Variants in JMJD1C observed in about 807,000 individuals in gnomAD.
JMJD1C encodes jumonji domain containing 1C.
A neutral mutation model predicts 245.3 loss-of-function variants in JMJD1C; 31 were observed. The observed-to-expected ratio is 0.13, with a 90% CI of 0.09 to 0.17. JMJD1C has a LOEUF of 0.17. JMJD1C is among the 10% of genes least tolerant of loss of function. JMJD1C has a pLI of 1.00. For synonymous variants in JMJD1C, 1,057 were observed against 1,017.4 expected, an observed-to-expected ratio of 1.04 and a Z score of -0.74; for missense variants, 2,691 against 3,000.2, an observed-to-expected ratio of 0.90 and a Z score of 2.41.
chr10:63,419,142 T>C (rs749219368), intron 1 of JMJD1C, among the ~76,000 whole-genome samples: 1 of 150,138 alleles, frequency 6.7e-6, no homozygotes, highest in African/African-American at 2.5e-5. Flanking sequence ...TCCTAGTACT[T>C]TGGGAGGCCG....
chr10:63,516,399 T>G (rs1955020882), intron 1 of JMJD1C, among the ~76,000 whole-genome samples: 1 of 152,244 alleles, frequency 6.6e-6, no homozygotes, highest in African/African-American at 2.4e-5. Context: ...GAAATTCTGC[T>G]TACTAGACAT....
At chr10:63,266,976 G>A (rs895195477) in intron 2 of JMJD1C, among the ~76,000 whole-genome samples, 5 of 152,034 alleles carry the variant, frequency 3.3e-5, no homozygotes, top group Non-Finnish European at 7.4e-5. Context: ...TTTGAAAAAA[G>A]GATTTCTAAG....
intron 3 of JMJD1C, among the ~76,000 whole-genome samples, chr10:63,260,192 T>G (rs542474615): frequency 6.6e-6 from 1 of 152,342 alleles, no homozygotes; most frequent in South Asian, 2.1e-4. Flanking sequence ...ATCAAATCTC[T>G]AACGGTTTTA....
intron 2 of JMJD1C, among the ~76,000 whole-genome samples, chr10:63,372,645 C>G (rs1421502436): frequency 6.6e-6 from 1 of 152,162 alleles, no homozygotes; most frequent in Admixed American, 6.5e-5. Flanking sequence ...GCAGCACATT[C>G]ATCACTTTAA....
At chr10:63,417,481 A>T (rs1949875328) in intron 1 of JMJD1C, among the ~76,000 whole-genome samples, 1 of 152,202 alleles carries the variant, frequency 6.6e-6, no homozygotes. Context: ...ACAAATGAAC[A>T]ATTTTAAATT....
intron 2 of JMJD1C, among the ~76,000 whole-genome samples, chr10:63,300,718 AT>A (rs1227800333): frequency 2.6e-5 from 4 of 152,188 alleles, no homozygotes; most frequent in Non-Finnish European, 5.9e-5. Flanking sequence ...ATGGTGAAAC[AT>A]TGTTTCTACT....
intron 1 of JMJD1C, among the ~76,000 whole-genome samples, chr10:63,426,750 A>G (rs1234235217): frequency 3.9e-5 from 6 of 152,242 alleles, no homozygotes; most frequent in Non-Finnish European, 7.3e-5. Flanking sequence ...CACAAGAAAG[A>G]AAATGAAATA....
intron 1 of JMJD1C, among the ~76,000 whole-genome samples, chr10:63,390,360 C>G (rs530656619): frequency 6.6e-6 from 1 of 152,138 alleles, no homozygotes; most frequent in East Asian, 1.9e-4. Context: ...AAACTAATAA[C>G]AAGTAATGAG....
chr10:63,491,575 A>G (rs1006634583), intron 1 of JMJD1C, among the ~76,000 whole-genome samples: 1 of 152,240 alleles, frequency 6.6e-6, no homozygotes, highest in Admixed American at 6.5e-5. Flanking sequence ...TCTCCTAAGA[A>G]GGTGGATAAG....
intron 2 of JMJD1C, among the ~76,000 whole-genome samples, chr10:63,365,165 T>C (rs751690940): frequency 1.3e-5 from 2 of 152,232 alleles, no homozygotes; most frequent in African/African-American, 4.8e-5. Flanking sequence ...TTTAAAATCA[T>C]AGCAAGCCTC....
At position 63,403,788 on chromosome 10, in the gene JMJD1C, A is replaced by C. The variant is rs140296814; in HGVS notation, c.169-23306T>G. Among the ~76,000 whole-genome samples, 237 of 152,232 alleles carry C rather than the reference A, an allele frequency of 1.6e-3. 2 individuals carry two copies. The highest frequency in any genetic ancestry group is 5.4e-3 in the African/African-American group (224 of 41,554). ...CCCATCTCTACTAAAAAATACAAAA[A>C]GGCCGGGCGTGGTGGCTCACGCCTG... is the stretch of plus-strand genomic sequence containing the variant. On this transcript the variant is annotated intron_variant, in intron 1 of 25. Transcript: ENST00000399262.
intron 1 of JMJD1C, among the ~76,000 whole-genome samples, chr10:63,493,250 T>TC (rs1954234052): frequency 2.4e-4 from 3 of 12,528 alleles, no homozygotes; most frequent in Middle Eastern, 0.029. Context: ...CTGTTATTTC[T>TC]TTTTTTTTTT....
chr10:63,330,714 G>A (rs1474398967), intron 2 of JMJD1C, among the ~76,000 whole-genome samples: 1 of 151,988 alleles, frequency 6.6e-6, no homozygotes, highest in Non-Finnish European at 1.5e-5. Flanking sequence ...AGATGTTAAT[G>A]ATCCACCCCC....
At chr10:63,209,298 G>A (rs755365510) in intron 8 of JMJD1C, 63 bp from the exon 9 acceptor site, 77 of 1,367,376 alleles carry the variant, frequency 5.6e-5, no homozygotes, top group Non-Finnish European at 6.7e-5. Flanking sequence ...GCTAAACACC[G>A]TGTCACAGTA....
At position 63,206,684 on chromosome 10, in the gene JMJD1C, C is replaced by T; in HGVS notation, c.4985G>A (p.Gly1662Asp). The change falls in exon 10 of 26, where the codon GGT becomes GAT. Residue 1662 changes from glycine to aspartate, a missense_variant. Gly to Asp is a moderately conservative substitution (Grantham distance 94). Around this residue, in one of 9 missense-constraint regions of JMJD1C, gnomAD observed 144 missense variants for 143.3 expected, o/e 1.00. Coordinates refer to ENST00000399262, the MANE Select transcript of JMJD1C (RefSeq NM_032776.3). ...KKQNDLQKRK[G>D]EIEEDLKPNG... ...GGGTTTCAAATCTTCTTCTATTTCA[C>T]CTTTTCTCTTTTGCAAATCATTTTG... 1 of 1,613,700 alleles carries T rather than the reference C, an allele frequency of 6.2e-7. No individual in the cohort carries two copies. The highest frequency in any genetic ancestry group is 8.5e-7 in the Non-Finnish European group (1 of 1,179,862).
At chr10:63,404,031 C>T (rs1388394031) in intron 1 of JMJD1C, among the ~76,000 whole-genome samples, 2 of 151,158 alleles carry the variant, frequency 1.3e-5, no homozygotes, top group African/African-American at 4.9e-5. Context: ...AGGAGAATCG[C>T]TGTAGCTCAG....
At chr10:63,290,427 G>A (rs900527396) in intron 2 of JMJD1C, among the ~76,000 whole-genome samples, 1 of 152,130 alleles carries the variant, frequency 6.6e-6, no homozygotes, top group African/African-American at 2.4e-5. Flanking sequence ...CAGGCGTGGT[G>A]GCGGATGCCT....
intron 1 of JMJD1C, among the ~76,000 whole-genome samples, chr10:63,396,200 G>A (rs189019836): frequency 1.0e-3 from 158 of 151,902 alleles, no homozygotes; most frequent in African/African-American, 3.5e-3. Context: ...TATATATACA[G>A]AGAGATTATA....
chr10:63,210,655 T>C lies in JMJD1C; in HGVS notation c.2695-1420A>G, dbSNP rs1233054290. 3.3e-5 allele frequency among the ~76,000 whole-genome samples: 5 copies of C among 152,176 alleles called. No individual in the cohort carries two copies. In the East Asian group the frequency reaches 5.8e-4, roughly 18 times the overall value. ...GCTCTCCTGTGTTCCTCTAGCTAGC[T>C]TATCTTTGTGCAGCTGCAGCTACAT... On this transcript the variant is annotated intron_variant, in intron 8 of 25. Coordinates refer to ENST00000399262, the MANE Select transcript of JMJD1C (RefSeq NM_032776.3).
Sources: allele counts gnomAD v4.1 joint callset (sites outside exome capture counted in the v4.1 genomes callset), GRCh38; gene constraint gnomAD v4.1.1; regional missense constraint gnomAD v4.1.1; transcripts MANE v1.5; gene names NCBI Gene and HGNC (gene_info 2026-07-23, HGNC 2026-07-21).